The following CNTNAP2 variants were observed in gnomAD, a reference collection of about 807,000 sequenced individuals.
CNTNAP2 encodes contactin associated protein 2.
Under a neutral mutation model 155.2 loss-of-function variants are expected in CNTNAP2, and 98 were observed. The observed-to-expected ratio is 0.63, with a 90% CI of 0.54 to 0.75. CNTNAP2 has a LOEUF of 0.75. Among genes scored for constraint, CNTNAP2 ranks in the 30% least tolerant of loss-of-function variants. The probability of loss-of-function intolerance (pLI) is 0.00; values close to 1 mark genes in which losing one functional copy is unlikely to be tolerated. For missense variants in CNTNAP2, 1,727 were observed against 1,688.1 expected, an observed-to-expected ratio of 1.02 and a Z score of -0.40; for synonymous variants, 651 against 631.2, an observed-to-expected ratio of 1.03 and a Z score of -0.47.
intron 3 of CNTNAP2, among the ~76,000 whole-genome samples, chr7:146,917,763 A>G (rs1287588663): frequency 6.6e-6 from 1 of 152,108 alleles, no homozygotes; most frequent in Non-Finnish European, 1.5e-5. Flanking sequence ...GTTTTCCTGT[A>G]CAATTTCTCT....
chr7:146,117,512 G>A (rs1797502981), intron 1 of CNTNAP2, among the ~76,000 whole-genome samples: 1 of 152,118 alleles, frequency 6.6e-6, no homozygotes, highest in Admixed American at 6.5e-5. Flanking sequence ...GGAAGGCAGC[G>A]AAATTGTAAC....
At chr7:148,361,910 C>T (rs370231368) in intron 21 of CNTNAP2, among the ~76,000 whole-genome samples, 109 of 152,090 alleles carry the variant, frequency 7.2e-4, no homozygotes, top group Non-Finnish European at 1.5e-3. Context: ...ACCATCAGAT[C>T]GGCCGGGCAC....
At chr7:146,225,778 A>C (rs1482851194) in intron 1 of CNTNAP2, among the ~76,000 whole-genome samples, 1 of 152,212 alleles carries the variant, frequency 6.6e-6, no homozygotes, top group African/African-American at 2.4e-5. Flanking sequence ...CCACTTCCAC[A>C]GTCATTTAAT....
At chr7:148,306,990 A>G (rs1797502137) in intron 21 of CNTNAP2, among the ~76,000 whole-genome samples, 1 of 152,114 alleles carries the variant, frequency 6.6e-6, no homozygotes, top group African/African-American at 2.4e-5. Flanking sequence ...CTGATGTTGC[A>G]TCACTGAGAT....
intron 11 of CNTNAP2, among the ~76,000 whole-genome samples, chr7:147,513,864 A>G (rs1039254587): frequency 1.3e-5 from 2 of 152,236 alleles, no homozygotes; most frequent in African/African-American, 2.4e-5. Flanking sequence ...AGAGATAAGA[A>G]ATTATCAGAC....
intron 14 of CNTNAP2, among the ~76,000 whole-genome samples, chr7:147,912,572 T>C (rs1469831185): frequency 1.3e-5 from 2 of 152,204 alleles, no homozygotes; most frequent in Non-Finnish European, 2.9e-5. Context: ...ACAGAAATTT[T>C]ACACTGAGAG....
intron 21 of CNTNAP2, among the ~76,000 whole-genome samples, chr7:148,354,255 A>G (rs1161324777): frequency 7.3e-6 from 1 of 136,412 alleles, no homozygotes; most frequent in Admixed American, 8.8e-5. Flanking sequence ...AAATACTAGC[A>G]TTAAATATTT....
intron 12 of CNTNAP2, among the ~76,000 whole-genome samples, chr7:147,618,516 T>C (rs1190320624): frequency 6.6e-6 from 1 of 151,782 alleles, no homozygotes; most frequent in South Asian, 2.1e-4. Flanking sequence ...TACAGGTGTA[T>C]AGGACACATA....
At chr7:147,197,705 T>C (rs1802834283) in intron 8 of CNTNAP2, among the ~76,000 whole-genome samples, 1 of 152,228 alleles carries the variant, frequency 6.6e-6, no homozygotes, top group African/African-American at 2.4e-5. Flanking sequence ...ATTTTTGAAG[T>C]GCACATATTT....
Position 146,576,791 on chromosome 7 carries a change from T to G in CNTNAP2, c.98-197480T>G, listed in dbSNP as rs550390760. Among the ~76,000 whole-genome samples, 6 of 152,296 alleles carry G rather than the reference T, an allele frequency of 3.9e-5. No homozygotes were observed. In the South Asian group the frequency reaches 1.2e-3, roughly 32 times the overall value. ...GATTTTGTAAAATAGTACATTCATA[T>G]CTATCTCGATGGATCATGACCATTT... On this transcript the variant is annotated intron_variant, in intron 1 of 23. Transcript: ENST00000361727.
At chr7:148,080,465 G>A (rs1803573999) in intron 15 of CNTNAP2, among the ~76,000 whole-genome samples, 6 of 151,754 alleles carry the variant, frequency 4.0e-5, no homozygotes, top group Admixed American at 3.9e-4. Flanking sequence ...AATTAGCCTG[G>A]CGTGGTGGCG....
At chr7:147,984,438 T>G (rs1801582589) in intron 15 of CNTNAP2, among the ~76,000 whole-genome samples, 1 of 152,190 alleles carries the variant, frequency 6.6e-6, no homozygotes, top group Non-Finnish European at 1.5e-5. Context: ...AACAATGTTA[T>G]TAGGTGCTTT....
chr7:147,265,933 AAAAC>A (rs1482481007), intron 8 of CNTNAP2, among the ~76,000 whole-genome samples: 2 of 152,160 alleles, frequency 1.3e-5, no homozygotes. Flanking sequence ...TATTGAAAGA[AAAAC>A]AAAACAACAG....
chr7:148,361,554 G>A (rs568315179), intron 21 of CNTNAP2, among the ~76,000 whole-genome samples: 3 of 152,240 alleles, frequency 2.0e-5, no homozygotes, highest in Admixed American at 6.5e-5. Context: ...TTCTGGGCTT[G>A]TAGAAGCATA....
intron 13 of CNTNAP2, among the ~76,000 whole-genome samples, chr7:147,651,345 A>G (rs149278048): frequency 0.015 from 2,279 of 152,308 alleles, 188 homozygotes; most frequent in Admixed American, 0.14. Context: ...TATCTAGAAT[A>G]TGCTCTTTTA....
chr7:147,872,910 G>T (rs918054389), intron 13 of CNTNAP2, among the ~76,000 whole-genome samples: 1 of 152,098 alleles, frequency 6.6e-6, no homozygotes, highest in Non-Finnish European at 1.5e-5. Context: ...TTGTGTGAAT[G>T]AAAAAATAGT....
At chr7:147,920,166 GA>G (rs1182153611) in intron 14 of CNTNAP2, among the ~76,000 whole-genome samples, 1 of 151,584 alleles carries the variant, frequency 6.6e-6, no homozygotes, top group Non-Finnish European at 1.5e-5. Flanking sequence ...AGACCAGCCT[GA>G]ACAACATGGT....
intron 11 of CNTNAP2, among the ~76,000 whole-genome samples, chr7:147,509,976 G>A (rs1407441757): frequency 6.6e-6 from 1 of 151,928 alleles, no homozygotes; most frequent in African/African-American, 2.4e-5. Flanking sequence ...TTCTTAAATT[G>A]TATTTTATTT....
intron 1 of CNTNAP2, among the ~76,000 whole-genome samples, chr7:146,390,352 A>G (rs760473053): frequency 2.2e-4 from 33 of 152,002 alleles, no homozygotes; most frequent in Non-Finnish European, 4.1e-4. Flanking sequence ...CAAACTTAGT[A>G]TCACCACTAA....
Sources: allele counts gnomAD v4.1 joint callset (sites outside exome capture counted in the v4.1 genomes callset), GRCh38; gene constraint gnomAD v4.1.1; transcripts MANE v1.5; gene names NCBI Gene and HGNC (gene_info 2026-07-23, HGNC 2026-07-21).